The following ME3 variants were observed in gnomAD, a reference collection of about 807,000 sequenced individuals.
ME3 encodes malic enzyme 3.
A neutral mutation model predicts 68.9 loss-of-function variants in ME3; 48 were observed. The ratio of observed to expected loss-of-function variants is 0.70; its 90% CI spans 0.55 to 0.89. The LOEUF is 0.89. Ranked by LOEUF, ME3 falls within the 40% of genes least tolerant of loss-of-function variation. The pLI, the probability that ME3 is intolerant of heterozygous loss-of-function variation, is 0.00. For synonymous variants in ME3, 320 were observed against 318.8 expected, an observed-to-expected ratio of 1.00 and a Z score of -0.04; for missense variants, 675 against 797.4, an observed-to-expected ratio of 0.85 and a Z score of 1.85.
chr11:86,528,170 G>A (rs1380443659), intron 4 of ME3, among the ~76,000 whole-genome samples: 1 of 152,064 alleles, frequency 6.6e-6, no homozygotes, highest in East Asian at 1.9e-4. Context: ...GATCTACCAA[G>A]CAAATGGAAA....
At chr11:86,653,060 A>G (rs1227218360) in intron 2 of ME3, among the ~76,000 whole-genome samples, 1 of 152,228 alleles carries the variant, frequency 6.6e-6, no homozygotes, top group Non-Finnish European at 1.5e-5. Flanking sequence ...CTAAGTATAT[A>G]TGCACCCAAT....
At chr11:86,464,021 C>T (rs967928388) in intron 8 of ME3, 3 of 396,838 alleles carry the variant, frequency 7.6e-6, no homozygotes, top group South Asian at 1.9e-5. Context: ...AAGCGTTCAG[C>T]GATTAACCTT....
chr11:86,542,129 A>C (rs1178907658), intron 4 of ME3, among the ~76,000 whole-genome samples: 1 of 152,238 alleles, frequency 6.6e-6, no homozygotes, highest in East Asian at 1.9e-4. Flanking sequence ...AAGGACGTCC[A>C]CACAGAAACC....
At chr11:86,596,129 G>A (rs1388444286) in intron 2 of ME3, among the ~76,000 whole-genome samples, 1 of 152,128 alleles carries the variant, frequency 6.6e-6, no homozygotes, top group Non-Finnish European at 1.5e-5. Flanking sequence ...TCCCTTAACG[G>A]TTGCCTTCGT....
intron 2 of ME3, among the ~76,000 whole-genome samples, chr11:86,615,091 G>A (rs979129716): frequency 6.6e-6 from 1 of 152,074 alleles, no homozygotes; most frequent in Non-Finnish European, 1.5e-5. Flanking sequence ...GGTCCTTTTG[G>A]ACATTTTTTT....
chr11:86,491,740 G>A (rs1457642267), intron 6 of ME3, among the ~76,000 whole-genome samples: 1 of 152,224 alleles, frequency 6.6e-6, no homozygotes, highest in Non-Finnish European at 1.5e-5. Context: ...GAAGATTTCA[G>A]CAGACAGTAT....
chr11:86,657,733 A>T (rs560538716), intron 2 of ME3, among the ~76,000 whole-genome samples: 2 of 152,312 alleles, frequency 1.3e-5, no homozygotes, highest in South Asian at 4.1e-4. Context: ...TTAGAAAAAA[A>T]ATAATAACCA....
At chr11:86,647,066 A>C (rs1348213760) in intron 2 of ME3, among the ~76,000 whole-genome samples, 2 of 152,210 alleles carry the variant, frequency 1.3e-5, no homozygotes. Context: ...AAATACAGGA[A>C]GGAAAAACTG....
chr11:86,491,817 G>A (rs1952027160), intron 6 of ME3, among the ~76,000 whole-genome samples: 1 of 152,138 alleles, frequency 6.6e-6, no homozygotes, highest in African/African-American at 2.4e-5. Flanking sequence ...AAAAAGAAAT[G>A]TTTAGAATTA....
Position 86,649,799 on chromosome 11 carries a change from G to A in ME3, c.183+21963C>T, listed in dbSNP as rs1054230938. Among the ~76,000 whole-genome samples the A allele has an allele frequency of 5.3e-5, 8 of 152,296 alleles. 1 individual carries two copies. Among genetic ancestry groups the A allele is most frequent in the Non-Finnish European group, 1.5e-5 (1 of 68,026 alleles). On this transcript the variant is annotated intron_variant, in intron 2 of 14. Transcript: ENST00000543262. ...GGAGAACTACAAACCACCGCTTAAGGAAATCAGAGAGGACACAAACAAATG... is the reference window on the plus strand; with the variant it reads ...GGAGAACTACAAACCACCGCTTAAGAAAATCAGAGAGGACACAAACAAATG...
At chr11:86,589,292 A>G (rs772754140) in intron 2 of ME3, among the ~76,000 whole-genome samples, 1 of 151,638 alleles carries the variant, frequency 6.6e-6, no homozygotes, top group Non-Finnish European at 1.5e-5. Flanking sequence ...TGTTTCATTT[A>G]TTTTTACCTT....
At chr11:86,496,026 G>A (rs565755869) in intron 6 of ME3, among the ~76,000 whole-genome samples, 6 of 152,224 alleles carry the variant, frequency 3.9e-5, no homozygotes, top group South Asian at 2.1e-4. Context: ...TCTGCCCACC[G>A]TTCCATCATT....
At chr11:86,478,133 C>T (rs1951187022) in intron 7 of ME3, among the ~76,000 whole-genome samples, 1 of 151,946 alleles carries the variant, frequency 6.6e-6, no homozygotes, top group South Asian at 2.1e-4. Context: ...AACCAACTCC[C>T]ACCCTCACCA....
intron 2 of ME3, among the ~76,000 whole-genome samples, chr11:86,589,603 G>C (rs1001545065): frequency 6.6e-6 from 1 of 152,118 alleles, no homozygotes; most frequent in African/African-American, 2.4e-5. Context: ...CTTAGACATT[G>C]GTCTTCCTAT....
chr11:86,538,970 CATATA>C, intron 4 of ME3, among the ~76,000 whole-genome samples: 1 of 152,310 alleles, frequency 6.6e-6, no homozygotes, highest in African/African-American at 2.4e-5. Context: ...AGAATTAGGT[CATATA>C]TCTACACCTA....
chr11:86,458,322 G>T (rs1950049413), intron 8 of ME3, among the ~76,000 whole-genome samples: 2 of 152,294 alleles, frequency 1.3e-5, no homozygotes, highest in Admixed American at 1.3e-4. Flanking sequence ...TGGACACCAA[G>T]CAAAGGCTTT....
At chr11:86,440,804 T>G (rs1033849534), downstream of ME3, among the ~76,000 whole-genome samples, 24 of 152,196 alleles carry the variant, frequency 1.6e-4, no homozygotes, top group African/African-American at 5.5e-4. Context: ...CTTTTCCTCT[T>G]GGGACTCAGT....
chr11:86,562,791 G>T (rs1199678087), intron 2 of ME3, among the ~76,000 whole-genome samples: 1 of 151,814 alleles, frequency 6.6e-6, no homozygotes, highest in Non-Finnish European at 1.5e-5. Context: ...CATAGTACCT[G>T]ATATGTATGT....
intron 8 of ME3, among the ~76,000 whole-genome samples, chr11:86,452,256 T>A (rs1057423024): frequency 6.6e-6 from 1 of 152,182 alleles, no homozygotes; most frequent in African/African-American, 2.4e-5. Flanking sequence ...AATTTGGAGT[T>A]GAAACAGCTC....
Sources: gnomAD v4.1 joint callset for allele counts (sites outside exome capture counted in the v4.1 genomes callset) on GRCh38, gnomAD v4.1.1 for gene constraint, MANE v1.5 for transcripts, NCBI Gene and HGNC (gene_info 2026-07-23, HGNC 2026-07-21) for gene names.